Variants in MBNL1 observed in about 807,000 individuals in gnomAD.
The protein encoded by MBNL1 is muscleblind like splicing regulator 1, also known as muscleblind-like protein 1.
A neutral mutation model predicts 42.2 loss-of-function variants in MBNL1; 8 were observed. That is an observed-to-expected ratio of 0.19 (90% CI 0.11 to 0.34). MBNL1 has a LOEUF of 0.34. Ranked by LOEUF, MBNL1 falls within the 10% of genes least tolerant of loss-of-function variation. MBNL1 has a pLI of 1.00. For synonymous variants in MBNL1, 169 were observed against 173.9 expected, an observed-to-expected ratio of 0.97 and a Z score of 0.22; for missense variants, 309 against 495.3, an observed-to-expected ratio of 0.62 and a Z score of 3.57.
upstream of MBNL1, among the ~76,000 whole-genome samples, chr3:152,243,647 GA>G (rs539547285): frequency 3.7e-4 from 56 of 151,574 alleles, no homozygotes; most frequent in African/African-American, 1.3e-3. Context: ...ATACTTCAAA[GA>G]CTTTAAATTA....
chr3:152,456,727 G>A (rs907519327), intron 8 of MBNL1, among the ~76,000 whole-genome samples: 1 of 152,000 alleles, frequency 6.6e-6, no homozygotes, highest in South Asian at 2.1e-4. Flanking sequence ...AAAATATTTG[G>A]TATATACAGT....
intron 3 of MBNL1, among the ~76,000 whole-genome samples, chr3:152,416,142 A>G (rs1389767060): frequency 6.6e-6 from 1 of 152,180 alleles, no homozygotes; most frequent in Non-Finnish European, 1.5e-5. Flanking sequence ...CCTGAACTCA[A>G]TGTAATTATT....
At chr3:152,450,432 AGAAAG>A (rs1370596359) in intron 6 of MBNL1, among the ~76,000 whole-genome samples, 3 of 152,214 alleles carry the variant, frequency 2.0e-5, no homozygotes, top group African/African-American at 7.2e-5. Flanking sequence ...TCAGACAGTC[AGAAAG>A]GAAAGAAGTC....
intron 2 of MBNL1, among the ~76,000 whole-genome samples, chr3:152,330,757 G>GT (rs1207910304): frequency 6.6e-6 from 1 of 152,098 alleles, no homozygotes; most frequent in Non-Finnish European, 1.5e-5. Context: ...TAATTGTTCT[G>GT]TTTTATTATA....
intron 2 of MBNL1, among the ~76,000 whole-genome samples, chr3:152,372,423 C>G (rs183717273): frequency 1.3e-5 from 2 of 152,314 alleles, no homozygotes; most frequent in African/African-American, 4.8e-5. Flanking sequence ...TTTTCCTCAT[C>G]TCCCTGGATT....
intron 2 of MBNL1, among the ~76,000 whole-genome samples, chr3:152,366,603 T>TTATATA (rs928082012): frequency 1.3e-5 from 2 of 152,202 alleles, no homozygotes; most frequent in African/African-American, 4.8e-5. Flanking sequence ...CAGTTCATTG[T>TTATATA]TATATTTTGG....
At chr3:152,335,990 A>G (rs377380679) in intron 2 of MBNL1, among the ~76,000 whole-genome samples, 348 of 152,232 alleles carry the variant, frequency 2.3e-3, no homozygotes, top group African/African-American at 8.1e-3. Flanking sequence ...GCACTACCGG[A>G]CAGTAAGTGT....
At chr3:152,318,721 A>G (rs370005715) in intron 2 of MBNL1, among the ~76,000 whole-genome samples, 4 of 152,150 alleles carry the variant, frequency 2.6e-5, no homozygotes, top group African/African-American at 9.7e-5. Flanking sequence ...TCATTACTAC[A>G]TAGATCTTTG....
intron 2 of MBNL1, among the ~76,000 whole-genome samples, chr3:152,332,784 T>C (rs1470765982): frequency 6.6e-6 from 1 of 151,390 alleles, no homozygotes; most frequent in African/African-American, 2.4e-5. Flanking sequence ...GGTTAGAGTT[T>C]AAAAAAAGCT....
intron 3 of MBNL1, among the ~76,000 whole-genome samples, chr3:152,423,154 G>A (rs761608589): frequency 7.9e-5 from 12 of 152,172 alleles, no homozygotes; most frequent in Non-Finnish European, 1.5e-4. Context: ...GAATCCAGCA[G>A]CTGGTTTTTT....
chr3:152,313,446 C>T (rs984267892), intron 2 of MBNL1, among the ~76,000 whole-genome samples: 10 of 152,170 alleles, frequency 6.6e-5, no homozygotes, highest in Admixed American at 5.9e-4. Flanking sequence ...ACTTTACTGT[C>T]CCAAGCTGGT....
intron 2 of MBNL1, among the ~76,000 whole-genome samples, chr3:152,349,121 A>C (rs970205207): frequency 6.6e-6 from 1 of 152,076 alleles, no homozygotes; most frequent in Non-Finnish European, 1.5e-5. Flanking sequence ...CTGGCTATCA[A>C]GACCTCTCCT....
intron 2 of MBNL1, among the ~76,000 whole-genome samples, chr3:152,399,034 T>C (rs146777610): frequency 1.9e-3 from 282 of 152,318 alleles, no homozygotes; most frequent in Admixed American, 4.2e-3. Context: ...GAATGTCTTT[T>C]GTGACACTCT....
chr3:152,260,106 T>C (rs2036011196), intron 2 of MBNL1, among the ~76,000 whole-genome samples: 1 of 152,212 alleles, frequency 6.6e-6, no homozygotes, highest in Admixed American at 6.5e-5. Context: ...TCAGTGACTA[T>C]TGTAGACTGG....
intron 3 of MBNL1, among the ~76,000 whole-genome samples, chr3:152,423,132 C>CA (rs1372628098): frequency 1.3e-5 from 2 of 152,108 alleles, no homozygotes; most frequent in Non-Finnish European, 2.9e-5. Flanking sequence ...AAAAACCCTT[C>CA]AAAAAATCAA....
chr3:152,394,048 G>C (rs949254548), intron 2 of MBNL1, among the ~76,000 whole-genome samples: 23 of 152,022 alleles, frequency 1.5e-4, no homozygotes, highest in African/African-American at 5.6e-4. Flanking sequence ...CATCCTACAT[G>C]GTTTTCCAAA....
At chr3:152,461,762 G>C (rs1322257961) in intron 9 of MBNL1, among the ~76,000 whole-genome samples, 1 of 152,122 alleles carries the variant, frequency 6.6e-6, no homozygotes, top group Non-Finnish European at 1.5e-5. Context: ...AACTGGAACT[G>C]TTAATCCACA....
chr3:152,345,275 C>T (rs961809309), intron 2 of MBNL1, among the ~76,000 whole-genome samples: 3 of 152,068 alleles, frequency 2.0e-5, no homozygotes, highest in African/African-American at 4.8e-5. Flanking sequence ...CTTTTCTTTT[C>T]CCTGCCCTTA....
chr3:152,460,064 G>A (rs1742338576), intron 9 of MBNL1, among the ~76,000 whole-genome samples: 1 of 151,766 alleles, frequency 6.6e-6, no homozygotes, highest in Non-Finnish European at 1.5e-5. Flanking sequence ...GACTAGCCTA[G>A]GCAACATGGT....
Sources: allele counts gnomAD v4.1 joint callset (sites outside exome capture counted in the v4.1 genomes callset), GRCh38; gene constraint gnomAD v4.1.1; transcripts MANE v1.5; gene names NCBI Gene and HGNC (gene_info 2026-07-23, HGNC 2026-07-21).